HRH2: variants seen among roughly 807,000 people sequenced by gnomAD.
The protein encoded by HRH2 is histamine H2 receptor.
Under a neutral mutation model 20.1 loss-of-function variants are expected in HRH2, and 4 were observed. That is an observed-to-expected ratio of 0.20 (90% CI 0.10 to 0.45). The LOEUF (loss-of-function observed/expected upper bound fraction) is 0.45, where lower values mean the gene tolerates loss of function less well. HRH2 is among the 20% of genes least tolerant of loss of function. The pLI, the probability that HRH2 is intolerant of heterozygous loss-of-function variation, is 0.99. For synonymous variants in HRH2, 197 were observed against 200.7 expected (o/e 0.98, Z 0.16); for missense variants, 250 against 461.6 (o/e 0.54, Z 4.20).
intron 1 of HRH2, among the ~76,000 whole-genome samples, chr5:175,680,654 G>A (rs1480986012): frequency 6.6e-6 from 1 of 152,226 alleles, no homozygotes; most frequent in Non-Finnish European, 1.5e-5. Context: ...GCTCCATAAG[G>A]GGATGACGTG....
intron 1 of HRH2, among the ~76,000 whole-genome samples, chr5:175,672,941 T>C (rs1407370891): frequency 1.3e-5 from 2 of 150,548 alleles, no homozygotes; most frequent in African/African-American, 2.4e-5. Flanking sequence ...AGGTGTGTAG[T>C]ATCCGAGGAA....
rs1177607379 is a variant in HRH2, at chr5:175,686,914, C to T, written c.1076+2605C>T. On this transcript the variant is annotated intron_variant, in intron 2 of 2. Transcript: ENST00000636584. This position sits in a 1 kb window ranked among gnomAD's most constrained non-coding sequence, Gnocchi z 4.7. ...TGCCGCAGACTGTCCTCCAGGCTCCCGGCATGCTGCAGGGTATGAGTGTCC... is the reference window on the plus strand; with the variant it reads ...TGCCGCAGACTGTCCTCCAGGCTCCTGGCATGCTGCAGGGTATGAGTGTCC... Among the ~76,000 whole-genome samples, 2 of 152,218 alleles carry T rather than the reference C, an allele frequency of 1.3e-5. No individual in the cohort carries two copies. The highest frequency in any genetic ancestry group is 6.5e-5 in the Admixed American group (1 of 15,288).
In HRH2 at chr5:175,683,710, C is replaced by T. The variant is rs959955121; in HGVS notation, c.477C>T (p.Asn159=). The T allele has an allele frequency of 6.2e-7, 1 of 1,614,212 alleles. No individual in the cohort carries two copies. The highest frequency in any genetic ancestry group is 1.3e-5 in the African/African-American group (1 of 75,044). The part of the protein sequence containing the change: ...LSFLSIHLGW[N]SRNETSKGNH... Reference sequence around the variant, plus strand: ...TTCTGTCTATCCACCTGGGGTGGAACAGCAGGAACGAGACCAGCAAGGGCA... The same window carrying T: ...TTCTGTCTATCCACCTGGGGTGGAATAGCAGGAACGAGACCAGCAAGGGCA... The change falls in exon 2 of 3, where the codon AAC becomes AAT. Residue 159 remains asparagine, a synonymous_variant. Coordinates refer to ENST00000636584, the MANE Select transcript of HRH2 (RefSeq NM_001367711.1).
At chr5:175,701,355 T>A (rs1221267226) in intron 2 of HRH2, among the ~76,000 whole-genome samples, 2 of 152,168 alleles carry the variant, frequency 1.3e-5, no homozygotes, top group Non-Finnish European at 2.9e-5. Flanking sequence ...GGATGGGGTT[T>A]GGGAGATAGG....
At chr5:175,673,924 C>T (rs923938447) in intron 1 of HRH2, among the ~76,000 whole-genome samples, 5 of 152,132 alleles carry the variant, frequency 3.3e-5, no homozygotes, top group Non-Finnish European at 5.9e-5. Context: ...AGGCTGGTCT[C>T]GAACTCCTGA....
intron 1 of HRH2, among the ~76,000 whole-genome samples, chr5:175,672,363 AC>A (rs1457655361): frequency 6.6e-6 from 1 of 150,786 alleles, no homozygotes; most frequent in Non-Finnish European, 1.5e-5. Flanking sequence ...ATCCCATCTC[AC>A]CCCTGCCCTG....
chr5:175,683,752 G>A lies in HRH2; in HGVS notation c.519G>A (p.Lys173=). 1 of 1,614,160 alleles carries A rather than the reference G, an allele frequency of 6.2e-7. No individual in the cohort carries two copies. Among genetic ancestry groups the A allele is most frequent in the Non-Finnish European group, 8.5e-7 (1 of 1,180,032 alleles). Residue 173 remains lysine (K), a synonymous_variant, in exon 2 of 3, where the codon AAG becomes AAA. Transcript: ENST00000636584. The stretch of plus-strand genomic sequence containing the variant: ...GCAAGGGCAATCATACCACCTCTAA[G>A]TGCAAAGTCCAGGTCAATGAAGTGT... ...ETSKGNHTTS[K]CKVQVNEVYG... is the part of the protein sequence containing the mutation.
Position 175,683,308 on chromosome 5 carries a change from T to C in HRH2, c.75T>C (p.Leu25=), listed in dbSNP as rs1300854672. 1.2e-6 allele frequency: 2 copies of C among 1,614,142 alleles called. No homozygotes were observed. The highest frequency in any genetic ancestry group is 1.7e-6 in the Non-Finnish European group (2 of 1,180,030). ...GCAAGATCACCATCACCGTGGTCCT[T>C]GCGGTCCTCATCCTCATCACCGTTG... ...TACKITITVV[L]AVLILITVAG... The change falls in exon 2 of 3, where the codon CTT becomes CTC. Residue 25 remains leucine (L), a synonymous_variant. Transcript: ENST00000636584.
chr5:175,699,624 A>G (rs1317606172), intron 2 of HRH2, among the ~76,000 whole-genome samples: 2 of 152,084 alleles, frequency 1.3e-5, no homozygotes, highest in Non-Finnish European at 2.9e-5. Flanking sequence ...CCCAGGCTGG[A>G]GTGCAGTGGC....
At chr5:175,697,025 C>T in intron 2 of HRH2, among the ~76,000 whole-genome samples, 1 of 152,184 alleles carries the variant, frequency 6.6e-6, no homozygotes, top group Non-Finnish European at 1.5e-5. Context: ...TCAGGGCGCT[C>T]AACCCCAGGG....
chr5:175,662,626 C>T lies in HRH2; in HGVS notation c.-526+4471C>T, dbSNP rs1415014462. On this transcript the variant is annotated intron_variant, in intron 1 of 2. Coordinates refer to ENST00000636584, the MANE Select transcript of HRH2 (RefSeq NM_001367711.1). ...CCCTCTGCCCCCACCCCTCAAGCAACAAAGGTGGTCTTCTTTTTTAACGTA... is the reference window on the plus strand; with the variant it reads ...CCCTCTGCCCCCACCCCTCAAGCAATAAAGGTGGTCTTCTTTTTTAACGTA... Among the ~76,000 whole-genome samples the T allele has an allele frequency of 2.0e-5, 3 of 152,134 alleles. No individual in the cohort carries two copies. In the East Asian group the frequency reaches 5.8e-4, roughly 29 times the overall value.
chr5:175,668,579 C>T (rs900839555), intron 1 of HRH2, among the ~76,000 whole-genome samples: 7 of 152,138 alleles, frequency 4.6e-5, no homozygotes, highest in Non-Finnish European at 8.8e-5. Context: ...CTGGTAGCAG[C>T]AGAGCTGAAC....
chr5:175,705,150 A>G (rs1318928093), intron 2 of HRH2, among the ~76,000 whole-genome samples: 1 of 152,222 alleles, frequency 6.6e-6, no homozygotes, highest in Non-Finnish European at 1.5e-5. Flanking sequence ...AACAATTCCC[A>G]TTAATCCAAA....
chr5:175,706,375 T>A (rs1055347572), intron 2 of HRH2, among the ~76,000 whole-genome samples: 1 of 152,260 alleles, frequency 6.6e-6, no homozygotes, highest in African/African-American at 2.4e-5. Flanking sequence ...GTTTATTTTC[T>A]TTTTAGTTAA....
At chr5:175,673,231 A>ATGTGTG (rs1389341620) in intron 1 of HRH2, among the ~76,000 whole-genome samples, 1 of 151,720 alleles carries the variant, frequency 6.6e-6, no homozygotes, top group African/African-American at 2.4e-5. Flanking sequence ...AGGAGAGTAG[A>ATGTGTG]TGTGTGTGTG....
intron 2 of HRH2, among the ~76,000 whole-genome samples, chr5:175,691,530 T>TG (rs1368922482): frequency 1.3e-5 from 2 of 152,116 alleles, no homozygotes; most frequent in Non-Finnish European, 2.9e-5. Flanking sequence ...GGGACCGTGA[T>TG]GGGGCGGGAA....
chr5:175,666,623 G>T (rs1762903489), intron 1 of HRH2, among the ~76,000 whole-genome samples: 1 of 152,054 alleles, frequency 6.6e-6, no homozygotes. Context: ...TAGAGACAAG[G>T]TTTCACCATA....
chr5:175,697,679 A>T lies in HRH2; in HGVS notation c.1077-10100A>T, dbSNP rs112870091. On this transcript the variant is annotated intron_variant, in intron 2 of 2. Transcript: ENST00000636584. ...GTCCAGTCGTTGTTCAATTCCTGAC[A>T]CTCCCCTGCTCTACAGCCTTCAGTA... is the stretch of plus-strand genomic sequence containing the variant. Among the ~76,000 whole-genome samples, 469 of 151,958 alleles carry T rather than the reference A, an allele frequency of 3.1e-3. 3 individuals carry two copies. Among genetic ancestry groups the T allele is most frequent in the Admixed American group, 7.9e-3 (121 of 15,266 alleles).
chr5:175,660,407 C>T (rs994200492), intron 1 of HRH2, among the ~76,000 whole-genome samples: 4 of 152,120 alleles, frequency 2.6e-5, no homozygotes, highest in Non-Finnish European at 4.4e-5. Context: ...CATGTGACCA[C>T]CAAAAGTTGA....
Sources: gnomAD v4.1 joint callset for allele counts (sites outside exome capture counted in the v4.1 genomes callset) on GRCh38, gnomAD v4.1.1 for gene constraint, Gnocchi (gnomAD v3.1) non-coding constraint, MANE v1.5 for transcripts, NCBI Gene and HGNC (gene_info 2026-07-23, HGNC 2026-07-21) for gene names.